The following GALNT17 variants were observed in gnomAD, a reference collection of about 807,000 sequenced individuals.
The protein encoded by GALNT17 is UDP-GalNAc:polypeptide N-acetylgalactosaminyltransferase-like 3.
A neutral mutation model predicts 63.7 loss-of-function variants in GALNT17; 29 were observed. The ratio of observed to expected loss-of-function variants is 0.46; its 90% CI spans 0.34 to 0.62. The LOEUF (loss-of-function observed/expected upper bound fraction) is 0.62. GALNT17 is among the 20% of genes least tolerant of loss of function. GALNT17 has a pLI of 0.01. For synonymous variants in GALNT17, 305 were observed against 318.3 expected, an observed-to-expected ratio of 0.96 and a Z score of 0.45; for missense variants, 603 against 799.6, an observed-to-expected ratio of 0.75 and a Z score of 2.97.
chr7:71,536,640 G>T (rs1321333341), intron 5 of GALNT17, among the ~76,000 whole-genome samples: 1 of 152,150 alleles, frequency 6.6e-6, no homozygotes, highest in Admixed American at 6.5e-5. Context: ...GGGGGAAGCT[G>T]CCCCCATGAT....
At chr7:71,347,090 A>AGG (rs1440321088) in intron 2 of GALNT17, among the ~76,000 whole-genome samples, 1 of 152,142 alleles carries the variant, frequency 6.6e-6, no homozygotes, top group East Asian at 1.9e-4. Context: ...ATGTAAGTTG[A>AGG]GGGGTGCCCT....
chr7:71,308,744 G>GC (rs890937846), intron 1 of GALNT17, among the ~76,000 whole-genome samples: 2 of 138,786 alleles, frequency 1.4e-5, no homozygotes, highest in African/African-American at 5.3e-5. Flanking sequence ...TTTCTCTTTA[G>GC]TTTTTTTTTT....
chr7:71,222,330 ACACC>A (rs1005812733), intron 1 of GALNT17, among the ~76,000 whole-genome samples: 1 of 151,910 alleles, frequency 6.6e-6, no homozygotes, highest in African/African-American at 2.4e-5. Context: ...TGAGCCTCAC[ACACC>A]CAGGCTGGAG....
At chr7:71,706,701 C>A (rs1466144572) in intron 9 of GALNT17, among the ~76,000 whole-genome samples, 1 of 152,204 alleles carries the variant, frequency 6.6e-6, no homozygotes, top group Non-Finnish European at 1.5e-5. Context: ...CCACATCTCT[C>A]TCAAGGGCAC....
intron 5 of GALNT17, among the ~76,000 whole-genome samples, chr7:71,542,548 T>C (rs1276174734): frequency 6.6e-6 from 1 of 151,680 alleles, no homozygotes; most frequent in Admixed American, 6.6e-5. Context: ...TACAAAAAAT[T>C]AGCCAGGTGT....
intron 1 of GALNT17, among the ~76,000 whole-genome samples, chr7:71,321,923 C>CTTT (rs1455017909): frequency 6.4e-5 from 3 of 47,132 alleles, no homozygotes; most frequent in African/African-American, 9.1e-5. Context: ...TCCTTCCTTC[C>CTTT]CCTCCCTCCC....
chr7:71,501,738 G>A (rs1788183993), intron 5 of GALNT17, among the ~76,000 whole-genome samples: 1 of 152,138 alleles, frequency 6.6e-6, no homozygotes, highest in African/African-American at 2.4e-5. Flanking sequence ...TTAAGGAAAT[G>A]TTTACAGTCA....
intron 5 of GALNT17, among the ~76,000 whole-genome samples, chr7:71,423,071 C>T (rs540897402): frequency 3.3e-5 from 5 of 152,300 alleles, no homozygotes; most frequent in Admixed American, 6.5e-5. Flanking sequence ...CTCCTCTCAA[C>T]GTCCAGCCGC....
intron 5 of GALNT17, among the ~76,000 whole-genome samples, chr7:71,537,996 C>G (rs186799186): frequency 1.3e-5 from 2 of 152,068 alleles, no homozygotes; most frequent in Admixed American, 1.3e-4. Context: ...GGAAGGACAG[C>G]CTGCCTACGC....
chr7:71,426,104 A>G (rs573594657), intron 5 of GALNT17, among the ~76,000 whole-genome samples: 47 of 152,274 alleles, frequency 3.1e-4, no homozygotes, highest in Admixed American at 5.2e-4. Context: ...TCATGATCCA[A>G]TCACCTCCCA....
At position 71,599,962 on chromosome 7, in the gene GALNT17, AC is replaced by A. The variant is rs774012647; in HGVS notation, c.1080+28566del. The stretch of plus-strand genomic sequence containing the variant: ...ACCCACCAGATAACAGCCATGCCTC[AC>A]CCCCCAGCCAAGTTTTAACAACCAA... On this transcript the variant is annotated intron_variant, in intron 6 of 10. Coordinates refer to ENST00000333538, the MANE Select transcript of GALNT17 (RefSeq NM_022479.3). Among the ~76,000 whole-genome samples the A allele has an allele frequency of 2.0e-5, 3 of 151,544 alleles. No individual in the cohort carries two copies. The East Asian group carries it at 6.0e-4, about 30-fold the overall frequency.
At chr7:71,412,574 T>C (rs1392639042) in intron 3 of GALNT17, among the ~76,000 whole-genome samples, 1 of 152,130 alleles carries the variant, frequency 6.6e-6, no homozygotes, top group African/African-American at 2.4e-5. Context: ...GGTTTCTCCA[T>C]GTTAGGACAT....
Position 71,560,212 on chromosome 7 carries a change from A to G in GALNT17, c.963-11073A>G, listed in dbSNP as rs868333236. 1.2e-3 allele frequency among the ~76,000 whole-genome samples: 187 copies of G among 150,576 alleles called. 1 individual carries two copies. The highest frequency in any genetic ancestry group is 4.2e-3 in the African/African-American group (172 of 41,220). On this transcript the variant is annotated intron_variant, in intron 5 of 10. Transcript: ENST00000333538. ...CCATCTCAAAAAAAAAAAAAAAAAA[A>G]AAAAGAAAGAATCACAAATTGTCCT...
intron 1 of GALNT17, among the ~76,000 whole-genome samples, chr7:71,317,033 C>T (rs1398398538): frequency 6.6e-6 from 1 of 152,116 alleles, no homozygotes; most frequent in African/African-American, 2.4e-5. Context: ...TGAAATATCC[C>T]AACTGTTTGT....
At chr7:71,571,154 T>C (rs933354297) in intron 5 of GALNT17, 131 bp from the exon 6 acceptor site, 15 of 684,716 alleles carry the variant, frequency 2.2e-5, no homozygotes, top group African/African-American at 1.9e-4. Flanking sequence ...CATGCTAGGC[T>C]GGAACCCAGT....
chr7:71,349,417 C>G (rs2527312), intron 2 of GALNT17, among the ~76,000 whole-genome samples: 28,468 of 152,052 alleles, frequency 0.19, 2,680 homozygotes, highest in South Asian at 0.29. Flanking sequence ...ATTCCGATCA[C>G]CCAACAGAAC....
At chr7:71,373,936 T>C (rs1442669672) in intron 2 of GALNT17, among the ~76,000 whole-genome samples, 2 of 152,234 alleles carry the variant, frequency 1.3e-5, no homozygotes, top group African/African-American at 4.8e-5. Flanking sequence ...GGTTTCCTTA[T>C]ACCCTTTCCT....
intron 6 of GALNT17, among the ~76,000 whole-genome samples, chr7:71,611,676 T>G (rs919983800): frequency 6.6e-6 from 1 of 152,088 alleles, no homozygotes; most frequent in African/African-American, 2.4e-5. Context: ...CATGGTGGCA[T>G]GCACACATTA....
At chr7:71,299,332 A>T (rs925484632) in intron 1 of GALNT17, among the ~76,000 whole-genome samples, 1 of 152,186 alleles carries the variant, frequency 6.6e-6, no homozygotes, top group Non-Finnish European at 1.5e-5. Context: ...GAGGATGGGA[A>T]CTGCCGTTTA....
Sources: allele counts gnomAD v4.1 joint callset (sites outside exome capture counted in the v4.1 genomes callset), GRCh38; gene constraint gnomAD v4.1.1; transcripts MANE v1.5; gene names NCBI Gene and HGNC (gene_info 2026-07-23, HGNC 2026-07-21).